Variants in PPP2R1B observed in about 807,000 individuals in gnomAD.
PPP2R1B encodes the protein serine/threonine-protein phosphatase 2A 65 kDa regulatory subunit A beta isoform.
A neutral mutation model predicts 72.7 loss-of-function variants in PPP2R1B; 58 were observed. The observed-to-expected ratio is 0.80, with a 90% CI of 0.65 to 0.99. The LOEUF is 0.99. Ranked by LOEUF, PPP2R1B falls within the 50% of genes least tolerant of loss-of-function variation. The pLI is 0.00. For missense variants in PPP2R1B, 695 were observed against 733.6 expected (o/e 0.95, Z 0.61); for synonymous variants, 256 against 264.6 (o/e 0.97, Z 0.32).
Position 111,766,313 on chromosome 11 carries a change from CT to C in PPP2R1B, c.48del (p.Asp17MetfsTer12). On this transcript the variant is annotated frameshift_variant, in exon 1 of 15. Transcript: ENST00000527614. LOFTEE classifies it high-confidence loss of function. Reference protein sequence around the residue: ...ELGTGPGAAGGDGDDSLYPIA... With the variant: ...ELGTGPGAAGXDGDDSLYPIA... ...ATCGGGTATAGCGAATCATCTCCATCTCCACCCGCTGCTCCTGGGCCGGTCC... is the reference window on the plus strand; with the variant it reads ...ATCGGGTATAGCGAATCATCTCCATCCCACCCGCTGCTCCTGGGCCGGTCC... 1 of 1,570,520 alleles carries C rather than the reference CT, an allele frequency of 6.4e-7. No individual in the cohort carries two copies. The highest frequency in any genetic ancestry group is 1.1e-5 in the South Asian group (1 of 90,156).
Position 111,741,514 on chromosome 11 carries a change from T to C in PPP2R1B, c.*82A>G, listed in dbSNP as rs1047016706. 1.3e-6 allele frequency: 2 copies of C among 1,564,270 alleles called. No individual in the cohort carries two copies. The highest frequency in any genetic ancestry group is 1.4e-5 in the African/African-American group (1 of 72,714). On this transcript the variant is annotated 3_prime_UTR_variant, in exon 15 of 15. Transcript: ENST00000527614. ...GGATGAGATCTTGAAGGTTTTCCAT[T>C]CTTTCTCCACCCAGTTAAGAACACA...
chr11:111,690,576 G>T, the PPP2R1B span, among the ~76,000 whole-genome samples: 1 of 151,866 alleles, frequency 6.6e-6, no homozygotes, highest in Non-Finnish European at 1.5e-5. Context: ...GCCCTGCATG[G>T]ATTAGGTATT....
chr11:111,708,753 A>AT, the PPP2R1B span, among the ~76,000 whole-genome samples: 1 of 151,810 alleles, frequency 6.6e-6, no homozygotes, highest in Non-Finnish European at 1.5e-5. Flanking sequence ...CCAGCTAATT[A>AT]TTTTTTTATT....
downstream of PPP2R1B, chr11:111,724,120 G>A: frequency 6.2e-7 from 1 of 1,608,994 alleles, no homozygotes; most frequent in Non-Finnish European, 8.5e-7. Flanking sequence ...GGTATGTCCT[G>A]GTGAATTAGT....
At chr11:111,715,321 A>G in the PPP2R1B span, among the ~76,000 whole-genome samples, 3 of 152,376 alleles carry the variant, frequency 2.0e-5, no homozygotes, top group South Asian at 4.1e-4. Context: ...ACACACACAC[A>G]GAAAAACTTA....
rs1355935834 is a variant in PPP2R1B, at chr11:111,752,329, G to A, written c.1168C>T (p.Pro390Ser). Residue 390 changes from proline (P) to serine (S), a missense_variant, in exon 10 of 15, where the codon CCT becomes TCT. Transcript: ENST00000527614. ...GAGATGATATTCAAACGAACGTCAG[G>A]ACACTGCAAGTACACAAGCCCCAAA... ...LFLAQLKDEC[P>S]DVRLNIISNL... 1.2e-6 allele frequency: 2 copies of A among 1,606,130 alleles called. No homozygotes were observed. Among genetic ancestry groups the A allele is most frequent in the Non-Finnish European group, 1.7e-6 (2 of 1,176,162 alleles).
intron 10 of PPP2R1B, among the ~76,000 whole-genome samples, chr11:111,748,565 C>T (rs1276945643): frequency 1.3e-5 from 2 of 152,222 alleles, no homozygotes; most frequent in African/African-American, 2.4e-5. Flanking sequence ...GCATGGCTTG[C>T]TCTCCCAGCC....
the PPP2R1B span, chr11:111,718,876 T>C: frequency 1.3e-5 from 2 of 152,238 alleles, no homozygotes; most frequent in Non-Finnish European, 2.9e-5. Context: ...AGGTAAATAA[T>C]TACCTCCTCA....
the PPP2R1B span, chr11:111,700,861 AT>A: frequency 6.2e-7 from 1 of 1,612,666 alleles, no homozygotes; most frequent in Non-Finnish European, 8.5e-7. Context: ...ATAGATGAAA[AT>A]AACATTTATT....
the PPP2R1B span, chr11:111,718,889 G>A: frequency 1.4e-4 from 21 of 152,364 alleles, 1 homozygote; most frequent in African/African-American, 5.1e-4. Context: ...CCTCCTCACA[G>A]GGGCCTTTAC....
In PPP2R1B at chr11:111,754,480, A is replaced by T; in HGVS notation, c.1029+19T>A. On this transcript the variant is annotated intron_variant, in intron 8 of 14. Transcript: ENST00000527614. Reference sequence around the variant, plus strand: ...ACCTTCATATAAAAGAGAGTGAAACAAAATAAAGTCAGGTTTACCTTTATA... The same window carrying T: ...ACCTTCATATAAAAGAGAGTGAAACTAAATAAAGTCAGGTTTACCTTTATA... The T allele has an allele frequency of 6.3e-7, 1 of 1,588,526 alleles. No individual in the cohort carries two copies. The highest frequency in any genetic ancestry group is 8.5e-7 in the Non-Finnish European group (1 of 1,173,720).
At chr11:111,724,045 CCTCTCTGAG>C (rs1943892021), downstream of PPP2R1B, 2 of 1,614,162 alleles carry the variant, frequency 1.2e-6, no homozygotes, top group Non-Finnish European at 1.7e-6. Flanking sequence ...ACCCACTAGC[CCTCTCTGAG>C]CTACCTGGAC....
chr11:111,766,030 T>C (rs1416191788), intron 1 of PPP2R1B: 1 of 593,210 alleles, frequency 1.7e-6, no homozygotes, highest in Non-Finnish European at 3.0e-6. Context: ...GGCGGACGCC[T>C]CAGGGGGTCC....
chr11:111,726,979 G>C (rs776839091), exon 16 of PPP2R1B: 1 of 1,613,742 alleles, frequency 6.2e-7, no homozygotes, highest in Non-Finnish European at 8.5e-7. Context: ...TCTGTGCTTT[G>C]GGAGAAATGC....
chr11:111,757,743 G>A (rs782511302), intron 5 of PPP2R1B, among the ~76,000 whole-genome samples: 51 of 151,334 alleles, frequency 3.4e-4, no homozygotes, highest in Non-Finnish European at 6.5e-4. Flanking sequence ...GCTGAGGCAG[G>A]AGAATCACTT....
chr11:111,735,496 T>C (rs552336504), downstream of PPP2R1B, among the ~76,000 whole-genome samples: 1 of 152,340 alleles, frequency 6.6e-6, no homozygotes, highest in South Asian at 2.1e-4. Context: ...AGTGAGCCGC[T>C]GCCGGACCCG....
At position 111,738,752 on chromosome 11, in the gene PPP2R1B, T is replaced by C. The variant is rs772207076; in HGVS notation, c.*2844A>G. 4.1e-6 allele frequency: 4 copies of C among 985,304 alleles called. No homozygotes were observed. The highest frequency in any genetic ancestry group is 6.1e-5 in the Admixed American group (1 of 16,266). 61.0% of individuals were successfully genotyped at this position (985,304 alleles called of 1,614,324 possible). A position where few individuals can be genotyped will look rare whatever the true frequency, so the allele number is the denominator to read the frequency against. ...CATCCTCAGGTTCACATCTTCTTGG[T>C]AGCACAGAGAGAGAAACAAGACCTG... On this transcript the variant is annotated 3_prime_UTR_variant, in exon 15 of 15. Transcript: ENST00000527614.
chr11:111,726,945 C>T (rs373784555), exon 16 of PPP2R1B: 5 of 1,583,896 alleles, frequency 3.2e-6, no homozygotes, highest in East Asian at 2.2e-5. Flanking sequence ...TTTTTATGTT[C>T]TTTTTTTAAA....
downstream of PPP2R1B, chr11:111,721,958 C>G: frequency 6.5e-7 from 1 of 1,534,706 alleles, no homozygotes; most frequent in Non-Finnish European, 8.8e-7. Context: ...CTTCTCCTTG[C>G]GAGTCCACCT....
Sources: allele counts gnomAD v4.1 joint callset (sites outside exome capture counted in the v4.1 genomes callset), GRCh38; gene constraint gnomAD v4.1.1; transcripts MANE v1.5; gene names NCBI Gene and HGNC (gene_info 2026-07-23, HGNC 2026-07-21).